PPA1: variants seen among roughly 807,000 people sequenced by gnomAD.
PPA1 encodes inorganic pyrophosphatase.
Under a neutral mutation model 41.8 loss-of-function variants are expected in PPA1, and 23 were observed. That is an observed-to-expected ratio of 0.55 (90% CI 0.40 to 0.78). The LOEUF is 0.78. Among genes scored for constraint, PPA1 ranks in the 30% least tolerant of loss-of-function variants. PPA1 has a pLI of 0.00. For synonymous variants in PPA1, 101 were observed against 116.8 expected, an observed-to-expected ratio of 0.86 and a Z score of 0.87; for missense variants, 320 against 361.6, an observed-to-expected ratio of 0.89 and a Z score of 0.93.
At chr10:70,218,920 C>G (rs1840105972) in intron 2 of PPA1, 103 bp from the exon 3 acceptor site, 2 of 785,228 alleles carry the variant, frequency 2.5e-6, no homozygotes, top group Non-Finnish European at 2.1e-6. Context: ...TGTATCAGAT[C>G]TTTGAAGTCA....
At chr10:70,221,510 T>C (rs532496941) in intron 2 of PPA1, among the ~76,000 whole-genome samples, 1 of 152,286 alleles carries the variant, frequency 6.6e-6, no homozygotes, top group South Asian at 2.1e-4. Flanking sequence ...AATAACCAGA[T>C]GGTTTAGAAA....
intron 2 of PPA1, among the ~76,000 whole-genome samples, chr10:70,226,919 C>A (rs1045623537): frequency 2.6e-5 from 4 of 152,060 alleles, no homozygotes; most frequent in Middle Eastern, 6.8e-3. Flanking sequence ...CCAACAATCA[C>A]CTGAAAAAAA....
At position 70,210,305 on chromosome 10, in the gene PPA1, G is replaced by A. The variant is rs1297608964; in HGVS notation, c.512-620C>T. 6.7e-6 allele frequency: 8 copies of A among 1,200,260 alleles called. No individual in the cohort carries two copies. In the African/African-American group the frequency reaches 1.1e-4, roughly 16 times the overall value. 74.4% of individuals were successfully genotyped at this position (1,200,260 alleles called of 1,614,324 possible). On this transcript the variant is annotated intron_variant, in intron 6 of 10. Coordinates refer to ENST00000373232, the MANE Select transcript of PPA1 (RefSeq NM_021129.4). ...TTGCCCAGGCTGGTCTCAAACTCCT[G>A]GGCTCAAGCAATCCTCCTGCCTTGG...
chr10:70,221,004 A>ATTTT, intron 2 of PPA1, among the ~76,000 whole-genome samples: 1 of 58,256 alleles, frequency 1.7e-5, no homozygotes, highest in African/African-American at 9.3e-5. Flanking sequence ...TATATATATA[A>ATTTT]CATATATATA....
chr10:70,214,666 A>G (rs1336756488), intron 4 of PPA1, 80 bp from the exon 5 acceptor site: 1 of 1,111,274 alleles, frequency 9.0e-7, no homozygotes, highest in South Asian at 1.4e-5. Context: ...ATAACATCCT[A>G]TGACTCTTCA....
intron 8 of PPA1, among the ~76,000 whole-genome samples, chr10:70,207,816 CATTTT>C (rs1442000004): frequency 6.6e-6 from 1 of 151,950 alleles, no homozygotes; most frequent in Non-Finnish European, 1.5e-5. Flanking sequence ...TTTAAAAATA[CATTTT>C]ATTTTTGTTT....
intron 2 of PPA1, among the ~76,000 whole-genome samples, chr10:70,221,055 A>ATAT (rs1232241016): frequency 2.4e-5 from 1 of 41,668 alleles, no homozygotes; most frequent in African/African-American, 2.2e-4. Context: ...ATATATATAT[A>ATAT]ATTTATATAT....
At chr10:70,214,634 T>C (rs1255599355) in intron 4 of PPA1, 48 bp from the exon 5 acceptor site, 4 of 1,434,418 alleles carry the variant, frequency 2.8e-6, no homozygotes, top group Non-Finnish European at 2.9e-6. Flanking sequence ...ACTGACAAAA[T>C]GGATCATGTT....
At chr10:70,209,316 C>T in intron 7 of PPA1, 26 bp from the exon 8 acceptor site, 1 of 1,506,492 alleles carries the variant, frequency 6.6e-7, no homozygotes, top group Non-Finnish European at 9.2e-7. Context: ...GTTTGCATTA[C>T]AATGATAAAA....
At chr10:70,203,288 C>T in intron 10 of PPA1, 102 bp from the exon 11 acceptor site, 2 of 1,022,868 alleles carry the variant, frequency 2.0e-6, no homozygotes, top group Middle Eastern at 2.4e-4. Flanking sequence ...ATGAATCCTA[C>T]TATGAATTAC....
At chr10:70,218,623 A>G (rs1840103707) in intron 3 of PPA1, 141 bp downstream of exon 3, 3 of 654,648 alleles carry the variant, frequency 4.6e-6, no homozygotes, top group Admixed American at 5.3e-5. Flanking sequence ...CTAGTAGGCA[A>G]TGGGAGATAC....
intron 2 of PPA1, among the ~76,000 whole-genome samples, chr10:70,219,196 C>T (rs1004568065): frequency 6.6e-6 from 1 of 152,234 alleles, no homozygotes; most frequent in Non-Finnish European, 1.5e-5. Context: ...AGCCATCTTG[C>T]CCAGCCAACT....
At position 70,217,896 on chromosome 10, in the gene PPA1, T is replaced by C. The variant is rs778664432; in HGVS notation, c.213A>G (p.Gln71=). Residue 71 remains glutamine (Q), a synonymous_variant, in exon 4 of 11, where the codon CAA becomes CAG. Transcript: ENST00000373232. ...ATKDPLNPIK[Q]DVKKGKLRYV... ...AGCGAAGTTTTCCTTTTTTCACATCTTGTTTAATAGGGTTTAAAGGGTCCT... is the reference window on the plus strand; with the variant it reads ...AGCGAAGTTTTCCTTTTTTCACATCCTGTTTAATAGGGTTTAAAGGGTCCT... 1.9e-6 allele frequency: 3 copies of C among 1,604,776 alleles called. No individual in the cohort carries two copies. Among genetic ancestry groups the C allele is most frequent in the Admixed American group, 3.4e-5 (2 of 59,214 alleles).
chr10:70,225,906 G>C (rs1039461273), intron 2 of PPA1, among the ~76,000 whole-genome samples: 1 of 152,126 alleles, frequency 6.6e-6, no homozygotes, highest in Non-Finnish European at 1.5e-5. Context: ...AAAGTATATG[G>C]ATACCTGAAG....
chr10:70,223,217 A>AAG lies in PPA1; in HGVS notation c.124-4402_124-4401dup, dbSNP rs10686040. The stretch of plus-strand genomic sequence containing the variant: ...CTGTCTCTTAAAAAACATTTTTTTA[A>AAG]AGAGAGAGAGAGAGAGAGACGGGGT... On this transcript the variant is annotated intron_variant, in intron 2 of 10. Coordinates refer to ENST00000373232, the MANE Select transcript of PPA1 (RefSeq NM_021129.4). 8.0e-4 allele frequency among the ~76,000 whole-genome samples: 119 copies of AAG among 148,336 alleles called. 1 individual carries two copies. Among genetic ancestry groups the AAG allele is most frequent in the Middle Eastern group, 6.9e-3 (2 of 288 alleles).
chr10:70,225,207 A>G (rs1324740185), intron 2 of PPA1, among the ~76,000 whole-genome samples: 1 of 151,482 alleles, frequency 6.6e-6, no homozygotes, highest in Admixed American at 6.6e-5. Flanking sequence ...CTGTGGTCCC[A>G]CCACTCTTAT....
At chr10:70,227,718 G>C (rs1329184053) in intron 2 of PPA1, among the ~76,000 whole-genome samples, 1 of 147,486 alleles carries the variant, frequency 6.8e-6, no homozygotes, top group Non-Finnish European at 1.5e-5. Context: ...TCCTTAGTCT[G>C]ATATCAATAT....
intron 6 of PPA1, among the ~76,000 whole-genome samples, chr10:70,212,543 T>C (rs1479966094): frequency 6.6e-6 from 1 of 152,102 alleles, no homozygotes; most frequent in Admixed American, 6.5e-5. Context: ...TGGATAAACC[T>C]AGAAAACATT....
chr10:70,204,115 G>A (rs1311741625), intron 10 of PPA1: 1 of 152,432 alleles, frequency 6.6e-6, no homozygotes, highest in Non-Finnish European at 1.5e-5. Context: ...AAGGTAGGTG[G>A]ATCGCCAGCC....
Sources: allele counts gnomAD v4.1 joint callset (sites outside exome capture counted in the v4.1 genomes callset), GRCh38; gene constraint gnomAD v4.1.1; transcripts MANE v1.5; gene names NCBI Gene and HGNC (gene_info 2026-07-23, HGNC 2026-07-21).